Variants in MAP2K4 observed in about 807,000 individuals in gnomAD.
MAP2K4 encodes dual specificity mitogen-activated protein kinase kinase 4.
In MAP2K4, 4 loss-of-function variants were observed where a neutral mutation model predicts 48.5. The ratio of observed to expected loss-of-function variants is 0.08; its 90% CI spans 0.04 to 0.19. The LOEUF (loss-of-function observed/expected upper bound fraction) is 0.19, where lower values mean the gene tolerates loss of function less well. MAP2K4 is among the 10% of genes least tolerant of loss of function. MAP2K4 has a pLI of 1.00. For synonymous variants in MAP2K4, 166 were observed against 173.1 expected (o/e 0.96, Z 0.32); for missense variants, 258 against 493.3 (o/e 0.52, Z 4.52).
intron 1 of MAP2K4, among the ~76,000 whole-genome samples, chr17:12,047,756 C>G (rs1357348843): frequency 6.6e-6 from 1 of 152,162 alleles, no homozygotes; most frequent in African/African-American, 2.4e-5. Flanking sequence ...GTACTTATAA[C>G]TAATATCATA....
At position 12,141,370 on chromosome 17, in the gene MAP2K4, A is replaced by G. The variant is rs977552536; in HGVS notation, c.*110A>G. 53 of 782,998 alleles carry G rather than the reference A, an allele frequency of 6.8e-5. No homozygotes were observed. The highest frequency in any genetic ancestry group is 2.5e-4 in the Middle Eastern group (1 of 4,048). 48.5% of individuals were successfully genotyped at this position (782,998 alleles called of 1,614,324 possible). A position where few individuals can be genotyped will look rare whatever the true frequency, so the allele number is the denominator to read the frequency against. On this transcript the variant is annotated 3_prime_UTR_variant, in exon 11 of 11. Transcript: ENST00000353533. The stretch of plus-strand genomic sequence containing the variant: ...ATTGCTCGCCCAGACACCATGTGCA[A>G]TAAGATTGGTGTTCGTTTCCATCAT...
chr17:12,029,434 G>A (rs1181576032), intron 1 of MAP2K4, among the ~76,000 whole-genome samples: 1 of 152,128 alleles, frequency 6.6e-6, no homozygotes, highest in African/African-American at 2.4e-5. Flanking sequence ...ACCCCTACTT[G>A]TAATGGGGAA....
chr17:12,107,804 C>T lies in MAP2K4; in HGVS notation c.528C>T (p.Ile176=), dbSNP rs2151572904. ...TTATTTTATAGGGTGACTGTTGGAT[C>T]TGTATGGAACTCATGTCTACCTCGT... ...GALFREGDCW[I]CMELMSTSFD... Residue 176 remains isoleucine (I), a synonymous_variant, in exon 5 of 11, where the codon ATC becomes ATT. Coordinates refer to ENST00000353533, the MANE Select transcript of MAP2K4 (RefSeq NM_003010.4). 1 of 1,590,074 alleles carries T rather than the reference C, an allele frequency of 6.3e-7. No individual in the cohort carries two copies.
chr17:12,116,301 C>T (rs943637238), intron 7 of MAP2K4, among the ~76,000 whole-genome samples: 1 of 152,090 alleles, frequency 6.6e-6, no homozygotes, highest in Non-Finnish European at 1.5e-5. Flanking sequence ...ATGAATGGAG[C>T]TTACAGGACT....
intron 6 of MAP2K4, among the ~76,000 whole-genome samples, chr17:12,112,384 AC>A (rs1357725013): frequency 2.0e-5 from 3 of 150,760 alleles, no homozygotes; most frequent in Non-Finnish European, 2.9e-5. Context: ...AATCGATTGA[AC>A]TTGGGAGGCG....
At chr17:12,074,933 A>G (rs1970948907) in intron 2 of MAP2K4, among the ~76,000 whole-genome samples, 3 of 151,854 alleles carry the variant, frequency 2.0e-5, no homozygotes, top group African/African-American at 7.3e-5. Context: ...CAGATTGCCT[A>G]TATATTCTGT....
chr17:12,030,573 T>TG (rs1191956787), intron 1 of MAP2K4, among the ~76,000 whole-genome samples: 1 of 152,250 alleles, frequency 6.6e-6, no homozygotes, highest in Non-Finnish European at 1.5e-5. Context: ...AGAGCAATCA[T>TG]TGGCGACATT....
chr17:12,021,073 C>A (rs1969018912), intron 1 of MAP2K4, 72 bp downstream of exon 1: 1 of 882,704 alleles, frequency 1.1e-6, no homozygotes, highest in Non-Finnish European at 1.5e-6. Context: ...CCTGCCCCAG[C>A]GGACGCCCCC....
At chr17:12,021,807 A>C (rs1480212072) in intron 1 of MAP2K4, among the ~76,000 whole-genome samples, 1 of 152,206 alleles carries the variant, frequency 6.6e-6, no homozygotes, top group Non-Finnish European at 1.5e-5. Flanking sequence ...ACAGGGGTCA[A>C]AGTGATACTG....
intron 2 of MAP2K4, among the ~76,000 whole-genome samples, chr17:12,068,742 C>CAT (rs1165168014): frequency 5.3e-5 from 8 of 150,636 alleles, no homozygotes; most frequent in South Asian, 4.2e-4. Flanking sequence ...TCAAAACATA[C>CAT]ATATATATAT....
At chr17:12,139,124 C>T (rs1180121666) in intron 9 of MAP2K4, among the ~76,000 whole-genome samples, 1 of 152,076 alleles carries the variant, frequency 6.6e-6, no homozygotes, top group Non-Finnish European at 1.5e-5. Context: ...CATATTAATT[C>T]ATGTTTGATA....
intron 3 of MAP2K4, among the ~76,000 whole-genome samples, chr17:12,092,975 G>A (rs774788365): frequency 6.6e-5 from 10 of 152,158 alleles, no homozygotes; most frequent in Admixed American, 6.5e-4. Flanking sequence ...GCAGTGAGCC[G>A]AGATCGCGCC....
intron 1 of MAP2K4, among the ~76,000 whole-genome samples, chr17:12,040,680 A>G (rs943825201): frequency 1.3e-5 from 2 of 152,182 alleles, no homozygotes; most frequent in Non-Finnish European, 2.9e-5. Flanking sequence ...TTGCCTTCCC[A>G]ATACTTGGGA....
At chr17:12,134,359 G>A (rs1973136304) in intron 9 of MAP2K4, among the ~76,000 whole-genome samples, 1 of 152,132 alleles carries the variant, frequency 6.6e-6, no homozygotes, top group Non-Finnish European at 1.5e-5. Context: ...GTAAAAAATT[G>A]TAAGGAGGGA....
At chr17:12,032,241 C>T (rs1969462355) in intron 1 of MAP2K4, 1 of 1,369,036 alleles carries the variant, frequency 7.3e-7, no homozygotes, top group Non-Finnish European at 9.6e-7. Flanking sequence ...AGTAAATGAA[C>T]TGGAACTTAT....
intron 5 of MAP2K4, among the ~76,000 whole-genome samples, chr17:12,110,010 T>G (rs1014738644): frequency 1.3e-5 from 2 of 151,134 alleles, no homozygotes; most frequent in Non-Finnish European, 2.9e-5. Context: ...TAGTCCCAGC[T>G]ACTTGGCAGG....
chr17:12,069,928 T>TATATAC (rs1567643709), intron 2 of MAP2K4: 2 of 99,022 alleles, frequency 2.0e-5, no homozygotes, highest in African/African-American at 4.8e-5. Context: ...TATATATATA[T>TATATAC]ATATATATAT....
At chr17:12,033,876 A>C (rs1969514142) in intron 1 of MAP2K4, among the ~76,000 whole-genome samples, 1 of 152,142 alleles carries the variant, frequency 6.6e-6, no homozygotes, top group Non-Finnish European at 1.5e-5. Flanking sequence ...CCCAGCCTCC[A>C]ATTCCTGGGT....
intron 4 of MAP2K4, among the ~76,000 whole-genome samples, chr17:12,098,112 A>G (rs1971819280): frequency 6.6e-6 from 1 of 152,216 alleles, no homozygotes; most frequent in Non-Finnish European, 1.5e-5. Context: ...GTTTTACAAT[A>G]AAAGTGTTAC....
Sources: allele counts gnomAD v4.1 joint callset (sites outside exome capture counted in the v4.1 genomes callset), GRCh38; gene constraint gnomAD v4.1.1; transcripts MANE v1.5; gene names NCBI Gene and HGNC (gene_info 2026-07-23, HGNC 2026-07-21).